Variants in SH2B2 observed in about 807,000 individuals in gnomAD.
SH2B2 encodes SH2B adaptor protein 2, also known as SH2B adapter protein 2.
In SH2B2, 37 loss-of-function variants were observed where a neutral mutation model predicts 35.7. The observed-to-expected ratio is 1.04, with a 90% CI of 0.80 to 1.36. The LOEUF (loss-of-function observed/expected upper bound fraction) is 1.36, where lower values mean the gene tolerates loss of function less well. SH2B2 is among the 40% of genes most tolerant of loss of function. SH2B2 has a pLI of 0.00. For synonymous variants in SH2B2, 383 were observed against 376.4 expected (o/e 1.02, Z -0.20); for missense variants, 852 against 817.7 (o/e 1.04, Z -0.51).
chr7:102,305,317 G>A lies in SH2B2; in HGVS notation c.730-1404G>A, dbSNP rs1793350851. On this transcript the variant is annotated intron_variant, in intron 2 of 8. Coordinates refer to ENST00000444095, the MANE Select transcript of SH2B2 (RefSeq NM_001359228.2). ...GTGTCACTCTGTCGCCCAGGCTGGA[G>A]TGCAGTGGTGCAATCTCAGCTCACT... 2.0e-5 allele frequency among the ~76,000 whole-genome samples: 3 copies of A among 151,996 alleles called. No homozygotes were observed. In the South Asian group the frequency reaches 6.2e-4, roughly 32 times the overall value.
At chr7:102,304,211 C>T (rs868978206) in intron 2 of SH2B2, among the ~76,000 whole-genome samples, 1 of 152,172 alleles carries the variant, frequency 6.6e-6, no homozygotes, top group Non-Finnish European at 1.5e-5. Flanking sequence ...GTCAGGAGCT[C>T]GGGGCCTGCA....
At chr7:102,302,803 A>T (rs1793242806) in intron 2 of SH2B2, among the ~76,000 whole-genome samples, 1 of 152,228 alleles carries the variant, frequency 6.6e-6, no homozygotes, top group Non-Finnish European at 1.5e-5. Context: ...CTGTAGTCCA[A>T]GCTACTTGGG....
upstream of SH2B2, among the ~76,000 whole-genome samples, chr7:102,286,655 G>A (rs1563542239): frequency 6.6e-6 from 1 of 151,492 alleles, no homozygotes; most frequent in Non-Finnish European, 1.5e-5. Flanking sequence ...CCCAGGACCG[G>A]GCAGTCTCGG....
At chr7:102,310,405 A>C (rs1284762444) in intron 4 of SH2B2, among the ~76,000 whole-genome samples, 1 of 152,162 alleles carries the variant, frequency 6.6e-6, no homozygotes, top group Admixed American at 6.5e-5. Context: ...GTAGCCAGTG[A>C]GGAGGAGATT....
At chr7:102,286,005 G>C (rs919052607), upstream of SH2B2, among the ~76,000 whole-genome samples, 2 of 152,178 alleles carry the variant, frequency 1.3e-5, no homozygotes, top group Non-Finnish European at 2.9e-5. Flanking sequence ...CAGCACCAGG[G>C]GTCAGGCTAC....
chr7:102,309,547 G>A, intron 4 of SH2B2: 1 of 310,926 alleles, frequency 3.2e-6, no homozygotes, highest in Non-Finnish European at 6.4e-6. Context: ...TTTTAGTAGA[G>A]ACGGGGTTTC....
chr7:102,301,214 C>T lies in SH2B2; in HGVS notation c.664C>T (p.Arg222Cys), dbSNP rs1341251879. 1.9e-6 allele frequency: 3 copies of T among 1,595,056 alleles called. No individual in the cohort carries two copies. Among genetic ancestry groups the T allele is most frequent in the Non-Finnish European group, 2.6e-6 (3 of 1,172,428 alleles). ...GGGCTCGGCTCAGTGGCAGAAGTGC[C>T]GCCTGCTCCTGCGCAGGGCTGTGGC... is the stretch of plus-strand genomic sequence containing the variant. Reference protein sequence around the residue: ...SGGSAQWQKCRLLLRRAVAEE... With the variant: ...SGGSAQWQKCCLLLRRAVAEE... The change falls in exon 2 of 9, where the codon CGC becomes TGC. Residue 222 changes from arginine (R) to cysteine (C), a missense_variant. Coordinates refer to ENST00000444095, the MANE Select transcript of SH2B2 (RefSeq NM_001359228.2).
In SH2B2 at chr7:102,296,205, C is replaced by T. The variant is rs183364593; in HGVS notation, c.-29-4317C>T. 2.8e-4 allele frequency among the ~76,000 whole-genome samples: 42 copies of T among 152,346 alleles called. No individual in the cohort carries two copies. The East Asian group carries it at 2.9e-3, about 11-fold the overall frequency. On this transcript the variant is annotated intron_variant, in intron 1 of 8. Transcript: ENST00000444095. ...GCCCCAAGGAGAGAGGGAATTCCCA[C>T]GGTGCCCTATGGCCCAGAGGCCTCG...
chr7:102,310,857 C>T (rs78666842), intron 4 of SH2B2, among the ~76,000 whole-genome samples: 2,473 of 152,136 alleles, frequency 0.016, 70 homozygotes, highest in African/African-American at 0.055. Context: ...TGTCACAAAT[C>T]GGGAGAGAAA....
upstream of SH2B2, chr7:102,286,812 G>T (rs1181937305): frequency 7.0e-4 from 1 of 1,424 alleles, no homozygotes; most frequent in Non-Finnish European, 1.5e-3. Flanking sequence ...CGGGGCTCGC[G>T]GCGGGGGCGG....
chr7:102,300,218 C>T (rs1027332131), intron 1 of SH2B2, among the ~76,000 whole-genome samples: 7 of 152,224 alleles, frequency 4.6e-5, no homozygotes, highest in Admixed American at 1.3e-4. Context: ...TTAGTAGAAA[C>T]GGGGTTTCAC....
chr7:102,305,499 C>A (rs1410650016), intron 2 of SH2B2, among the ~76,000 whole-genome samples: 1 of 152,056 alleles, frequency 6.6e-6, no homozygotes, highest in Non-Finnish European at 1.5e-5. Context: ...TTCCTGACCT[C>A]AAGTCATCCT....
chr7:102,317,832 G>T (rs936721584), intron 7 of SH2B2, among the ~76,000 whole-genome samples: 1 of 152,186 alleles, frequency 6.6e-6, no homozygotes, highest in African/African-American at 2.4e-5. Flanking sequence ...ACCTCAGACA[G>T]CCCCTCTTCC....
At chr7:102,314,263 G>A (rs1301755030) in intron 4 of SH2B2, 73 bp from the exon 5 acceptor site, 4 of 398,420 alleles carry the variant, frequency 1.0e-5, no homozygotes, top group Non-Finnish European at 1.3e-5. Flanking sequence ...GCCACTGCCT[G>A]GCCACATAAG....
intron 6 of SH2B2, among the ~76,000 whole-genome samples, chr7:102,316,571 A>C (rs1360510943): frequency 6.7e-6 from 1 of 148,712 alleles, no homozygotes; most frequent in Non-Finnish European, 1.5e-5. Context: ...TGGGCAACAG[A>C]GCAAGACTCT....
intron 1 of SH2B2, among the ~76,000 whole-genome samples, chr7:102,298,611 C>T (rs558946736): frequency 6.6e-6 from 1 of 152,172 alleles, no homozygotes; most frequent in South Asian, 2.1e-4. Flanking sequence ...GACAGGGTCT[C>T]GCTCTGTCCC....
chr7:102,295,726 G>A (rs528450344), intron 1 of SH2B2, among the ~76,000 whole-genome samples: 10 of 152,276 alleles, frequency 6.6e-5, no homozygotes, highest in Admixed American at 3.3e-4. Context: ...GAGGGGTGTC[G>A]GGAGGCTTCC....
rs781914140 is a variant in SH2B2 at position 102,297,162 on chromosome 7, C to A, written c.-29-3360C>A. Among the ~76,000 whole-genome samples the A allele has an allele frequency of 6.6e-6, 1 of 152,060 alleles. No homozygotes were observed. Among genetic ancestry groups the A allele is most frequent in the Non-Finnish European group, 1.5e-5 (1 of 68,034 alleles). On this transcript the variant is annotated intron_variant, in intron 1 of 8. Transcript: ENST00000444095. This position sits in a 1 kb window ranked among gnomAD's most constrained non-coding sequence, Gnocchi z 4.3. The stretch of plus-strand genomic sequence containing the variant: ...AGCAGGATGAAGTCTCAAACCATCC[C>A]GCTGTTCTGCCTGGGATGTGAATTA...
chr7:102,310,894 G>A (rs1554555921), intron 4 of SH2B2, among the ~76,000 whole-genome samples: 2 of 152,058 alleles, frequency 1.3e-5, no homozygotes, highest in African/African-American at 4.8e-5. Context: ...GGGTCTGCAC[G>A]GGATCCCAGG....
Sources: gnomAD v4.1 joint callset for allele counts (sites outside exome capture counted in the v4.1 genomes callset) on GRCh38, gnomAD v4.1.1 for gene constraint, Gnocchi (gnomAD v3.1) non-coding constraint, MANE v1.5 for transcripts, NCBI Gene and HGNC (gene_info 2026-07-23, HGNC 2026-07-21) for gene names.